Variants in TENM1 observed in about 807,000 individuals in gnomAD.
TENM1 encodes teneurin-1.
Under a neutral mutation model 174.8 loss-of-function variants are expected in TENM1, and 35 were observed. That is an observed-to-expected ratio of 0.20 (90% confidence interval 0.15 to 0.27). TENM1 has a LOEUF of 0.27. Among genes scored for constraint, TENM1 ranks in the 10% least tolerant of loss-of-function variants. The pLI is 1.00. For synonymous variants in TENM1, 781 were observed against 798.7 expected (o/e 0.98, Z 0.37); for missense variants, 1,633 against 2,130.1 (o/e 0.77, Z 4.59).
At chrX:124,973,782 A>G in the TENM1 span, among the ~76,000 whole-genome samples, 1 of 111,915 alleles carries the variant, frequency 8.9e-6, no homozygotes, top group Non-Finnish European at 1.9e-5. Context: ...CTTATCATAA[A>G]AAAGGATGAG....
chrX:124,836,808 T>G (rs1367835793), intron 3 of TENM1, among the ~76,000 whole-genome samples: 1 of 112,274 alleles, frequency 8.9e-6, no homozygotes, highest in Non-Finnish European at 1.9e-5. Flanking sequence ...TCCACATCAT[T>G]TCTTGGTTTG....
At chrX:124,741,620 G>A (rs1420349228) in intron 3 of TENM1, among the ~76,000 whole-genome samples, 1 of 111,917 alleles carries the variant, frequency 8.9e-6, no homozygotes, top group Non-Finnish European at 1.9e-5. Context: ...TACCAAATAT[G>A]ACACTTTATC....
At chrX:124,432,504 G>A (rs1460876323) in intron 23 of TENM1, among the ~76,000 whole-genome samples, 2 of 111,975 alleles carry the variant, frequency 1.8e-5, no homozygotes, top group African/African-American at 6.5e-5. Context: ...TGCCTCCCAG[G>A]TTCAAGCAAT....
intron 4 of TENM1, among the ~76,000 whole-genome samples, chrX:124,722,869 G>A (rs1247620235): frequency 9.5e-6 from 1 of 105,657 alleles, no homozygotes; most frequent in African/African-American, 3.5e-5. Flanking sequence ...AAAAAATTCC[G>A]AAGCTCTATG....
At chrX:125,097,225 A>G in the TENM1 span, among the ~76,000 whole-genome samples, 40,561 of 110,728 alleles carry the variant, frequency 0.37, 7,695 homozygotes, top group African/African-American at 0.74. Context: ...GTTTAGGTGA[A>G]AAGAAGTTGT....
In TENM1 at chrX:124,683,415, A is replaced by G. The variant is rs374234277; in HGVS notation, c.1016-11580T>C. ...CTGGAATATCGGACTAATGAGGCCA[A>G]TGTTATAGGTTAAGTTTTTATTCCA... On this transcript the variant is annotated intron_variant, in intron 5 of 31. Coordinates refer to ENST00000422452, the Ensembl canonical transcript of TENM1. Among the ~76,000 whole-genome samples the G allele has an allele frequency of 1.1e-3, 121 of 112,047 alleles. 1 individual carries two copies. The highest frequency in any genetic ancestry group is 3.7e-3 in the African/African-American group (113 of 30,901).
At chrX:124,836,943 A>G (rs770255119) in intron 3 of TENM1, among the ~76,000 whole-genome samples, 1 of 111,491 alleles carries the variant, frequency 9.0e-6, no homozygotes, top group African/African-American at 3.3e-5. Flanking sequence ...TTACACTACC[A>G]ATGTCAGTTT....
At chrX:125,163,797 T>C in the TENM1 span, among the ~76,000 whole-genome samples, 2 of 111,969 alleles carry the variant, frequency 1.8e-5, no homozygotes, top group Non-Finnish European at 3.8e-5. Flanking sequence ...TAAAATATAC[T>C]ATGTGTGTCT....
At chrX:125,119,981 T>C in the TENM1 span, among the ~76,000 whole-genome samples, 1 of 111,332 alleles carries the variant, frequency 9.0e-6, no homozygotes, top group Non-Finnish European at 1.9e-5. Context: ...AACTTTTCCT[T>C]ATGACAACAC....
chrX:124,467,776 T>C (rs375215225), intron 22 of TENM1, among the ~76,000 whole-genome samples: 7 of 111,981 alleles, frequency 6.3e-5, no homozygotes, highest in African/African-American at 2.3e-4. Flanking sequence ...TTGTTTGTTT[T>C]TTGACAGAGT....
chrX:124,580,265 T>C (rs775008922), intron 11 of TENM1, among the ~76,000 whole-genome samples: 27 of 111,225 alleles, frequency 2.4e-4, no homozygotes, highest in Non-Finnish European at 3.6e-4. Context: ...TAAAATACTA[T>C]TCAACCTTAA....
intron 18 of TENM1, among the ~76,000 whole-genome samples, chrX:124,505,014 C>T (rs1171848494): frequency 8.9e-6 from 1 of 112,108 alleles, no homozygotes; most frequent in East Asian, 2.8e-4. Flanking sequence ...AAATTGCAGG[C>T]TGGCTTCTCT....
At chrX:124,596,613 G>A (rs1221650060) in intron 11 of TENM1, among the ~76,000 whole-genome samples, 2 of 111,772 alleles carry the variant, frequency 1.8e-5, no homozygotes, top group Non-Finnish European at 3.8e-5. Flanking sequence ...AAAACTACAG[G>A]ATGAATGGGC....
chrX:125,060,689 T>C, the TENM1 span, among the ~76,000 whole-genome samples: 1 of 110,801 alleles, frequency 9.0e-6, no homozygotes, highest in African/African-American at 3.3e-5. Flanking sequence ...TCAGCTCTGC[T>C]TTGTGGTTCT....
chrX:124,750,065 T>C (rs1361407094), intron 3 of TENM1, among the ~76,000 whole-genome samples: 1 of 112,179 alleles, frequency 8.9e-6, no homozygotes, highest in Admixed American at 9.5e-5. Context: ...TTACATATAT[T>C]CACATTTGTT....
At chrX:124,410,759 A>G (rs1420003526) in intron 25 of TENM1, among the ~76,000 whole-genome samples, 1 of 112,396 alleles carries the variant, frequency 8.9e-6, no homozygotes, top group Non-Finnish European at 1.9e-5. Flanking sequence ...CAAAAGACAC[A>G]TGAAAAAATG....
At chrX:125,201,097 G>T in the TENM1 span, among the ~76,000 whole-genome samples, 2 of 112,107 alleles carry the variant, frequency 1.8e-5, no homozygotes, top group Non-Finnish European at 3.8e-5. Flanking sequence ...GGAATGTTTT[G>T]CAGTTTGACA....
At chrX:124,586,927 T>C (rs1473259249) in intron 11 of TENM1, among the ~76,000 whole-genome samples, 1 of 110,085 alleles carries the variant, frequency 9.1e-6, no homozygotes, top group African/African-American at 3.3e-5. Flanking sequence ...ATGAGTGAAC[T>C]CCCATTCACA....
chrX:124,665,728 T>C (rs993924906), intron 6 of TENM1, among the ~76,000 whole-genome samples: 1 of 112,059 alleles, frequency 8.9e-6, no homozygotes, highest in African/African-American at 3.2e-5. Flanking sequence ...TTGTGTTTTG[T>C]CAAAGCCTTA....
Sources: gnomAD v4.1 joint callset for allele counts (sites outside exome capture counted in the v4.1 genomes callset) on GRCh38, gnomAD v4.1.1 for gene constraint, MANE v1.5 for transcripts, NCBI Gene and HGNC (gene_info 2026-07-23, HGNC 2026-07-21) for gene names.